The following EYA1 variants were observed in gnomAD, a reference collection of about 807,000 sequenced individuals.
The protein encoded by EYA1 is EYA transcriptional coactivator and phosphatase 1.
Under a neutral mutation model 82.0 loss-of-function variants are expected in EYA1, and 16 were observed. The ratio of observed to expected loss-of-function variants is 0.20; its 90% CI spans 0.13 to 0.30. The LOEUF (loss-of-function observed/expected upper bound fraction) is 0.30, where lower values mean the gene tolerates loss of function less well. EYA1 is among the 10% of genes least tolerant of loss of function. The pLI is 1.00. For synonymous variants in EYA1, 261 were observed against 264.4 expected (o/e 0.99, Z 0.12); for missense variants, 633 against 730.7 (o/e 0.87, Z 1.54).
intron 7 of EYA1, among the ~76,000 whole-genome samples, chr8:71,310,642 A>G (rs1586299469): frequency 6.6e-6 from 1 of 152,224 alleles, no homozygotes; most frequent in East Asian, 1.9e-4. Flanking sequence ...TATGTACCAC[A>G]TTTTCTTTAT....
At chr8:71,453,420 C>T (rs553108243) in intron 2 of EYA1, among the ~76,000 whole-genome samples, 15 of 152,212 alleles carry the variant, frequency 9.9e-5, no homozygotes, top group East Asian at 5.8e-4. Flanking sequence ...ATACAGAGAA[C>T]GCCACAAAGA....
intron 11 of EYA1, among the ~76,000 whole-genome samples, chr8:71,262,452 C>G (rs1815246128): frequency 6.6e-6 from 1 of 152,156 alleles, no homozygotes; most frequent in African/African-American, 2.4e-5. Context: ...TAAATAATAG[C>G]TCTTGTTCAT....
chr8:71,277,201 C>T (rs1184444691), intron 9 of EYA1, among the ~76,000 whole-genome samples: 1 of 134,532 alleles, frequency 7.4e-6, no homozygotes, highest in Non-Finnish European at 1.5e-5. Context: ...TGTAGTGGTA[C>T]AACCATAGCT....
In EYA1 at chr8:71,354,823, G is replaced by C. The variant is rs558089479; in HGVS notation, c.83C>G (p.Ser28Cys). 8.7e-6 allele frequency: 14 copies of C among 1,613,660 alleles called. No homozygotes were observed. The African/African-American group carries it at 1.1e-4, about 12-fold the overall frequency. Residue 28 changes from serine (S) to cysteine (C), a missense_variant, in exon 3 of 18, where the codon TCT becomes TGT. Physicochemically the swap from Ser to Cys is moderately radical, Grantham distance 112. Coordinates refer to ENST00000340726, the MANE Select transcript of EYA1 (RefSeq NM_000503.6). ...AGTCATGGAATTACTATTTATATGA[G>C]AGTTACCGAGTTTGGGGCCACTGGG... ...ESPSGPKLGN[S>C]HINSNSMTPN...
intron 10 of EYA1, 127 bp from the exon 11 acceptor site, chr8:71,269,950 A>G (rs1369483764): frequency 8.1e-6 from 6 of 744,982 alleles, no homozygotes; most frequent in Non-Finnish European, 1.4e-5. Flanking sequence ...TATTATTTCA[A>G]AAAAAACACA....
At chr8:71,229,715 A>G (rs1810972755) in intron 12 of EYA1, among the ~76,000 whole-genome samples, 1 of 152,202 alleles carries the variant, frequency 6.6e-6, no homozygotes, top group Non-Finnish European at 1.5e-5. Context: ...AAACGTATAA[A>G]AGAATTCATC....
In EYA1 at chr8:71,303,313, T is replaced by TACACACAC; in HGVS notation, c.557-3594_557-3593insGTGTGTGT. Among the ~76,000 whole-genome samples, 2 of 102,598 alleles carry TACACACAC rather than the reference T, an allele frequency of 1.9e-5. 1 individual carries two copies. Among genetic ancestry groups the TACACACAC allele is most frequent in the South Asian group, 5.8e-4 (2 of 3,468 alleles). 67.3% of individuals were successfully genotyped at this position (102,598 alleles called of 152,430 possible). A position where few individuals can be genotyped will look rare whatever the true frequency, so the allele number is the denominator to read the frequency against. ...ATCTCTGTGATGTACGTACATTTGA[T>TACACACAC]ATACACACACACACACACACACACA... On this transcript the variant is annotated intron_variant, in intron 7 of 17. Coordinates refer to ENST00000340726, the MANE Select transcript of EYA1 (RefSeq NM_000503.6).
At position 71,400,460 on chromosome 8, in the gene EYA1, C is replaced by A. The variant is rs1829893244; in HGVS notation, c.34-43949G>T. On this transcript the variant is annotated intron_variant, in intron 2 of 18. Transcript: ENST00000643681. Reference sequence around the variant, plus strand: ...TTAAAAAATTTACAAGAAAAAAAAACATTAAAAAGTGGGCAAAGGACAGGA... The same window carrying A: ...TTAAAAAATTTACAAGAAAAAAAAAAATTAAAAAGTGGGCAAAGGACAGGA... 4.0e-5 allele frequency among the ~76,000 whole-genome samples: 6 copies of A among 151,146 alleles called. No homozygotes were observed. The South Asian group carries it at 1.3e-3, about 32-fold the overall frequency.
intron 16 of EYA1, among the ~76,000 whole-genome samples, chr8:71,211,593 T>C (rs1808519643): frequency 6.6e-6 from 1 of 152,238 alleles, no homozygotes. Context: ...GGACTTCTTT[T>C]TCCCCCTATA....
At chr8:71,472,605 A>G (rs1563647572) in intron 2 of EYA1, among the ~76,000 whole-genome samples, 2 of 151,738 alleles carry the variant, frequency 1.3e-5, no homozygotes, top group African/African-American at 4.8e-5. Flanking sequence ...TAATATTATT[A>G]TTTTTCTTCA....
At chr8:71,294,409 G>A (rs917566074) in intron 9 of EYA1, among the ~76,000 whole-genome samples, 1 of 152,024 alleles carries the variant, frequency 6.6e-6, no homozygotes, top group Non-Finnish European at 1.5e-5. Flanking sequence ...GCAGTGAGCC[G>A]AGATAGCGCC....
chr8:71,259,159 C>T (rs1188505353), intron 11 of EYA1, among the ~76,000 whole-genome samples: 3 of 152,176 alleles, frequency 2.0e-5, no homozygotes, highest in African/African-American at 7.2e-5. Flanking sequence ...CTTTTTTACC[C>T]TGAACTCTGT....
intron 7 of EYA1, among the ~76,000 whole-genome samples, chr8:71,303,574 T>G (rs1300896849): frequency 7.1e-6 from 1 of 140,956 alleles, no homozygotes; most frequent in Non-Finnish European, 1.6e-5. Flanking sequence ...TATTAATTTT[T>G]CACGACCAGA....
intron 3 of EYA1, among the ~76,000 whole-genome samples, chr8:71,351,954 C>T (rs1423609596): frequency 1.3e-5 from 2 of 152,102 alleles, no homozygotes; most frequent in South Asian, 2.1e-4. Context: ...GAAGTTCTGT[C>T]GACCTAATTA....
chr8:71,493,786 G>T (rs1011506204), intron 2 of EYA1, among the ~76,000 whole-genome samples: 1 of 150,980 alleles, frequency 6.6e-6, no homozygotes, highest in Non-Finnish European at 1.5e-5. Flanking sequence ...CACTTTGGGA[G>T]GCCGAGGCGG....
intron 2 of EYA1, among the ~76,000 whole-genome samples, chr8:71,511,985 G>A (rs187621588): frequency 6.6e-6 from 1 of 151,944 alleles, no homozygotes; most frequent in African/African-American, 2.4e-5. Context: ...ATAGTAAAAA[G>A]CAGGCCATAT....
intron 6 of EYA1, among the ~76,000 whole-genome samples, chr8:71,320,336 C>T (rs567657166): frequency 9.1e-4 from 138 of 152,262 alleles, no homozygotes; most frequent in Non-Finnish European, 1.5e-3. Context: ...ACTGTGTGGA[C>T]TGGAAAATAC....
intron 2 of EYA1, among the ~76,000 whole-genome samples, chr8:71,508,217 A>G (rs1022492014): frequency 1.3e-5 from 2 of 152,186 alleles, no homozygotes; most frequent in African/African-American, 2.4e-5. Context: ...TGAGGTCTTC[A>G]GTCATACTAT....
chr8:71,299,457 A>G (rs1819956595), intron 8 of EYA1, among the ~76,000 whole-genome samples, 181 bp downstream of exon 8: 1 of 152,224 alleles, frequency 6.6e-6, no homozygotes, highest in Admixed American at 6.5e-5. Context: ...AATACTAGGT[A>G]AAATTAAACC....
Sources: gnomAD v4.1 joint callset for allele counts (sites outside exome capture counted in the v4.1 genomes callset) on GRCh38, gnomAD v4.1.1 for gene constraint, MANE v1.5 for transcripts, NCBI Gene and HGNC (gene_info 2026-07-23, HGNC 2026-07-21) for gene names.